Variants in CLIC5 observed in about 807,000 individuals in gnomAD.
CLIC5 encodes the protein chloride intracellular channel protein 5.
In CLIC5, 20 loss-of-function variants were observed where a neutral mutation model predicts 24.7. That is an observed-to-expected ratio of 0.81 (90% confidence interval 0.57 to 1.18). CLIC5 has a LOEUF of 1.18. CLIC5 is among the 50% of genes most tolerant of loss of function. CLIC5 has a pLI of 0.00. For missense variants in CLIC5, 341 were observed against 326.1 expected (o/e 1.05, Z -0.35); for synonymous variants, 159 against 135.6 (o/e 1.17, Z -1.20).
intron 4 of CLIC5, among the ~76,000 whole-genome samples, chr6:45,918,174 A>C (rs1246015649): frequency 6.6e-6 from 1 of 152,212 alleles, no homozygotes; most frequent in Non-Finnish European, 1.5e-5. Context: ...ATATGCAAAC[A>C]ATCTTAGATT....
intron 1 of CLIC5, among the ~76,000 whole-genome samples, chr6:46,011,990 C>T (rs898202895): frequency 3.9e-5 from 6 of 152,190 alleles, no homozygotes; most frequent in African/African-American, 1.4e-4. Flanking sequence ...AGTGTGTTTA[C>T]AGCAATTTTC....
intron 1 of CLIC5, among the ~76,000 whole-genome samples, chr6:46,051,346 T>A (rs1768097116): frequency 6.6e-6 from 1 of 152,200 alleles, no homozygotes; most frequent in African/African-American, 2.4e-5. Context: ...TTACTTAACC[T>A]CTCTGGGCCA....
chr6:45,923,323 C>T (rs186441182), intron 4 of CLIC5, among the ~76,000 whole-genome samples: 10 of 152,302 alleles, frequency 6.6e-5, no homozygotes, highest in South Asian at 6.2e-4. Context: ...ATCAGTCATC[C>T]GTTCCAGCGT....
chr6:46,112,479 A>G, the CLIC5 span, among the ~76,000 whole-genome samples: 5 of 152,174 alleles, frequency 3.3e-5, no homozygotes, highest in African/African-American at 1.2e-4. Flanking sequence ...CATCTTCAAG[A>G]TGGTGTATCG....
chr6:46,000,786 A>G (rs1218386914), intron 1 of CLIC5, among the ~76,000 whole-genome samples: 1 of 152,122 alleles, frequency 6.6e-6, no homozygotes, highest in African/African-American at 2.4e-5. Flanking sequence ...CCAAGATTCA[A>G]TTACCTCCCA....
chr6:45,893,994 G>A (rs1762373405), downstream of CLIC5, among the ~76,000 whole-genome samples: 1 of 152,174 alleles, frequency 6.6e-6, no homozygotes, highest in Non-Finnish European at 1.5e-5. Context: ...CTCATCCCAT[G>A]GTGTGGCAGT....
At chr6:46,127,737 T>C in the CLIC5 span, among the ~76,000 whole-genome samples, 3 of 152,228 alleles carry the variant, frequency 2.0e-5, no homozygotes, top group South Asian at 2.1e-4. Context: ...GTGGACTGCA[T>C]TGGTCTACAG....
rs1764418125 is a variant in CLIC5 at position 45,950,075 on chromosome 6, G to C, written c.174-694C>G. On this transcript the variant is annotated intron_variant, in intron 2 of 5. Transcript: ENST00000339561. Reference sequence around the variant, plus strand: ...TTTTCAAAAGTCTTCTTATTGCTAAGATTATTGCTCCACAAACACCAGGTA... The same window carrying C: ...TTTTCAAAAGTCTTCTTATTGCTAACATTATTGCTCCACAAACACCAGGTA... Among the ~76,000 whole-genome samples, 5 of 152,164 alleles carry C rather than the reference G, an allele frequency of 3.3e-5. No homozygotes were observed. The South Asian group carries it at 1.0e-3, about 32-fold the overall frequency.
chr6:46,070,925 A>G (rs1331245775), intron 1 of CLIC5, among the ~76,000 whole-genome samples: 1 of 152,104 alleles, frequency 6.6e-6, no homozygotes, highest in African/African-American at 2.4e-5. Flanking sequence ...ACGGCCGCAC[A>G]CCTATAACCA....
intron 1 of CLIC5, among the ~76,000 whole-genome samples, chr6:46,076,551 T>C (rs1762775934): frequency 6.6e-6 from 1 of 152,132 alleles, no homozygotes. Flanking sequence ...GATCTGCTTC[T>C]AGAAGATGGA....
intron 4 of CLIC5, among the ~76,000 whole-genome samples, chr6:45,925,601 C>T (rs1256379451): frequency 2.0e-5 from 3 of 152,186 alleles, no homozygotes; most frequent in South Asian, 2.1e-4. Flanking sequence ...AGGCATGAGC[C>T]GTCGCGCTCA....
At chr6:46,087,048 C>T in the CLIC5 span, among the ~76,000 whole-genome samples, 1 of 152,200 alleles carries the variant, frequency 6.6e-6, no homozygotes, top group African/African-American at 2.4e-5. Flanking sequence ...CCATACACAT[C>T]TCTTCATAAA....
chr6:45,986,002 T>C (rs1765722685), intron 1 of CLIC5, among the ~76,000 whole-genome samples: 2 of 152,116 alleles, frequency 1.3e-5, no homozygotes, highest in Non-Finnish European at 2.9e-5. Context: ...GATAGTTTTA[T>C]AGAGGGGAGT....
chr6:45,919,494 C>G (rs565898097), intron 4 of CLIC5, among the ~76,000 whole-genome samples: 19 of 152,220 alleles, frequency 1.2e-4, no homozygotes, highest in African/African-American at 3.9e-4. Flanking sequence ...CCCTCCCCCC[C>G]ACCACCTCTC....
intron 1 of CLIC5, among the ~76,000 whole-genome samples, chr6:46,005,992 ATATATATT>A (rs1201754396): frequency 8.5e-6 from 1 of 117,518 alleles, no homozygotes; most frequent in Non-Finnish European, 1.8e-5. Flanking sequence ...ATATATATAT[ATATATATT>A]TATATATATA....
chr6:45,943,067 G>A (rs182550594), intron 3 of CLIC5, among the ~76,000 whole-genome samples: 15 of 152,300 alleles, frequency 9.8e-5, no homozygotes, highest in Admixed American at 5.9e-4. Context: ...CCCTTTACAC[G>A]TATTCACCAT....
chr6:45,920,567 A>G (rs1269703285), intron 4 of CLIC5: 4 of 486,522 alleles, frequency 8.2e-6, no homozygotes, highest in African/African-American at 2.1e-5. Context: ...AGATGGCCAC[A>G]CTTGTTGACA....
At chr6:46,058,849 C>A (rs753428187) in intron 1 of CLIC5, among the ~76,000 whole-genome samples, 3 of 152,142 alleles carry the variant, frequency 2.0e-5, no homozygotes, top group Non-Finnish European at 4.4e-5. Context: ...AACAGGTTGG[C>A]AGAAGGAGCC....
At chr6:45,931,651 A>G (rs1763740496) in intron 4 of CLIC5, among the ~76,000 whole-genome samples, 1 of 152,128 alleles carries the variant, frequency 6.6e-6, no homozygotes, top group African/African-American at 2.4e-5. Flanking sequence ...GTTGTTTCTT[A>G]GAGGTTTGTT....
Sources: allele counts gnomAD v4.1 joint callset (sites outside exome capture counted in the v4.1 genomes callset), GRCh38; gene constraint gnomAD v4.1.1; transcripts MANE v1.5; gene names NCBI Gene and HGNC (gene_info 2026-07-23, HGNC 2026-07-21).